MBNL3: variants seen among roughly 807,000 people sequenced by gnomAD.
The protein encoded by MBNL3 is muscleblind-like protein 3.
In MBNL3, 6 loss-of-function variants were observed where a neutral mutation model predicts 24.5. The observed-to-expected ratio is 0.25, with a 90% CI of 0.13 to 0.48. The LOEUF (loss-of-function observed/expected upper bound fraction) is 0.48. Among genes scored for constraint, MBNL3 ranks in the 20% least tolerant of loss-of-function variants. MBNL3 has a pLI of 0.99. For synonymous variants in MBNL3, 100 were observed against 101.7 expected, an observed-to-expected ratio of 0.98 and a Z score of 0.10; for missense variants, 230 against 293.5, an observed-to-expected ratio of 0.78 and a Z score of 1.58.
intron 3 of MBNL3, among the ~76,000 whole-genome samples, chrX:132,401,835 A>AT (rs1940991892): frequency 9.1e-6 from 1 of 110,328 alleles, no homozygotes; most frequent in African/African-American, 3.3e-5. Flanking sequence ...ACTTTCTATT[A>AT]TTTTTTTTCT....
At chrX:132,384,776 A>G in intron 6 of MBNL3, 78 bp from the exon 7 acceptor site, 1 of 836,336 alleles carries the variant, frequency 1.2e-6, no homozygotes, top group South Asian at 3.1e-5. Flanking sequence ...AATACATTTT[A>G]ACAGAAAGAT....
intron 2 of MBNL3, chrX:132,429,830 T>C (rs1200932811): frequency 3.6e-5 from 4 of 111,881 alleles, no homozygotes; most frequent in Non-Finnish European, 7.5e-5. Flanking sequence ...GACTGAATAA[T>C]GATTGGAAGA....
chrX:132,426,374 G>A (rs184281064), intron 2 of MBNL3, among the ~76,000 whole-genome samples: 124 of 111,653 alleles, frequency 1.1e-3, no homozygotes, highest in African/African-American at 3.7e-3. Flanking sequence ...CAATTCCATC[G>A]CTAGTTTTCC....
chrX:132,446,986 T>G lies in MBNL3; in HGVS notation c.-703-6672A>C, dbSNP rs1246565848. Among the ~76,000 whole-genome samples the G allele has an allele frequency of 5.4e-5, 6 of 111,964 alleles. No homozygotes were observed. In the South Asian group the frequency reaches 2.2e-3, roughly 42 times the overall value. Reference sequence around the variant, plus strand: ...GCATATGGCTAGCCAGTTTTCTCAATACCATTTATTAAATAGGGAATCCTT... The same window carrying G: ...GCATATGGCTAGCCAGTTTTCTCAAGACCATTTATTAAATAGGGAATCCTT... On this transcript the variant is annotated intron_variant, in intron 1 of 8. Transcript: ENST00000370853.
At chrX:132,408,811 G>A (rs1291749266) in intron 2 of MBNL3, among the ~76,000 whole-genome samples, 2 of 112,153 alleles carry the variant, frequency 1.8e-5, no homozygotes, top group Non-Finnish European at 3.8e-5. Context: ...TATGGAATAT[G>A]AGGCAGCATG....
At chrX:132,395,276 T>C in intron 3 of MBNL3, among the ~76,000 whole-genome samples, 1 of 111,585 alleles carries the variant, frequency 9.0e-6, no homozygotes, top group Non-Finnish European at 1.9e-5. Context: ...TCAGCTTTAA[T>C]AAGCAACTTT....
chrX:132,488,967 G>A lies in MBNL3; in HGVS notation c.-820C>T, dbSNP rs1261357727. 1 of 113,420 alleles carries A rather than the reference G, an allele frequency of 8.8e-6. No homozygotes were observed. The highest frequency in any genetic ancestry group is 1.9e-5 in the Non-Finnish European group (1 of 53,478). The allele number at this position is 113,420 out of a possible 1,213,427, so 9.3% of individuals were successfully genotyped here. ...TGTTAGCGGCAGAAGCAAAAGCAGC[G>A]CTGCGCGAGGTGGCCCCGGTGCCGG... On this transcript the variant is annotated 5_prime_UTR_variant, in exon 1 of 9. Coordinates refer to ENST00000370853, the MANE Select transcript of MBNL3 (RefSeq NM_001386889.1).
intron 1 of MBNL3, among the ~76,000 whole-genome samples, chrX:132,458,835 T>C (rs1946501015): frequency 9.2e-6 from 1 of 109,000 alleles, no homozygotes; most frequent in Admixed American, 9.8e-5. Flanking sequence ...TCACTTGAGC[T>C]GTAATTTTGT....
chrX:132,428,525 A>C (rs1603242040), intron 2 of MBNL3, among the ~76,000 whole-genome samples: 1 of 110,699 alleles, frequency 9.0e-6, no homozygotes, highest in Admixed American at 9.6e-5. Context: ...AAAAAAAAAA[A>C]ACCATAAATT....
At chrX:132,381,318 G>T in intron 8 of MBNL3, 2 of 794,561 alleles carry the variant, frequency 2.5e-6, no homozygotes, top group Non-Finnish European at 3.6e-6. Context: ...AAAATATGTA[G>T]CCTATAAATA....
chrX:132,456,152 A>G (rs1414856270), intron 1 of MBNL3, among the ~76,000 whole-genome samples: 3 of 112,236 alleles, frequency 2.7e-5, no homozygotes, highest in Non-Finnish European at 5.6e-5. Context: ...TCTGTTAAAC[A>G]AATAATTTGG....
At chrX:132,409,496 G>C (rs1942400613) in intron 2 of MBNL3, among the ~76,000 whole-genome samples, 1 of 111,598 alleles carries the variant, frequency 9.0e-6, no homozygotes, top group Admixed American at 9.5e-5. Context: ...GTCTATAACA[G>C]TTTGGTGTGA....
At chrX:132,481,692 G>C (rs957284169) in intron 1 of MBNL3, among the ~76,000 whole-genome samples, 1 of 111,868 alleles carries the variant, frequency 8.9e-6, no homozygotes, top group Non-Finnish European at 1.9e-5. Flanking sequence ...AGGTAGTCTT[G>C]TCTTTTTTTC....
intron 1 of MBNL3, among the ~76,000 whole-genome samples, chrX:132,481,636 T>C (rs1467458409): frequency 8.9e-6 from 1 of 111,975 alleles, no homozygotes; most frequent in Non-Finnish European, 1.9e-5. Flanking sequence ...TTTAGATCCT[T>C]TTATGATGTG....
intron 1 of MBNL3, among the ~76,000 whole-genome samples, chrX:132,457,470 T>A (rs748168892): frequency 1.8e-5 from 2 of 108,598 alleles, no homozygotes; most frequent in Non-Finnish European, 3.8e-5. Context: ...GGAGGAGGAG[T>A]CATGGCTTAA....
At chrX:132,450,052 C>T (rs1603256818) in intron 1 of MBNL3, among the ~76,000 whole-genome samples, 1 of 90,755 alleles carries the variant, frequency 1.1e-5, no homozygotes, top group Non-Finnish European at 2.1e-5. Context: ...GATGGGCTTC[C>T]CTTTGCGGGT....
chrX:132,422,285 A>G (rs1249995793), intron 2 of MBNL3, among the ~76,000 whole-genome samples: 1 of 111,654 alleles, frequency 9.0e-6, no homozygotes, highest in Non-Finnish European at 1.9e-5. Context: ...TCAAAGGGTT[A>G]TAATAGTCAA....
In MBNL3 at chrX:132,379,563, A is replaced by G; in HGVS notation, c.*103T>C. On this transcript the variant is annotated 3_prime_UTR_variant, in exon 9 of 9. Coordinates refer to ENST00000370853, the MANE Select transcript of MBNL3 (RefSeq NM_001386889.1). ...CTTTGCTTAATACATTGACTGCAAC[A>G]CGCTTATTGTTGTGTTGGTAGAATA... 2 of 864,299 alleles carry G rather than the reference A, an allele frequency of 2.3e-6. No homozygotes were observed. The highest frequency in any genetic ancestry group is 3.2e-6 in the Non-Finnish European group (2 of 623,574). 71.2% of individuals were successfully genotyped at this position (864,299 alleles called of 1,213,427 possible).
chrX:132,438,197 C>T (rs1945219284), intron 2 of MBNL3, among the ~76,000 whole-genome samples: 1 of 112,161 alleles, frequency 8.9e-6, no homozygotes, highest in South Asian at 3.7e-4. Flanking sequence ...ACATTACCTT[C>T]AGGCTATGTG....
Sources: allele counts gnomAD v4.1 joint callset (sites outside exome capture counted in the v4.1 genomes callset), GRCh38; gene constraint gnomAD v4.1.1; transcripts MANE v1.5; gene names NCBI Gene and HGNC (gene_info 2026-07-23, HGNC 2026-07-21).